ILRUN: variants seen among roughly 807,000 people sequenced by gnomAD.
ILRUN encodes inflammation and lipid regulator with UBA-like and NBR1-like domains.
A neutral mutation model predicts 33.8 loss-of-function variants in ILRUN; 3 were observed. The ratio of observed to expected loss-of-function variants is 0.09; its 90% CI spans 0.04 to 0.23. The LOEUF (loss-of-function observed/expected upper bound fraction) is 0.23. ILRUN is among the 10% of genes least tolerant of loss of function. The pLI is 1.00. For synonymous variants in ILRUN, 124 were observed against 138.9 expected (o/e 0.89, Z 0.75); for missense variants, 210 against 375.1 (o/e 0.56, Z 3.64).
At chr6:34,617,004 A>G (rs1256602252) in intron 3 of ILRUN, 1 of 542,904 alleles carries the variant, frequency 1.8e-6, no homozygotes, top group Non-Finnish European at 3.6e-6. Flanking sequence ...AAAATCAATA[A>G]GAAGTGAGTT....
intron 1 of ILRUN, among the ~76,000 whole-genome samples, chr6:34,670,508 C>T (rs976410251): frequency 3.9e-5 from 6 of 152,048 alleles, no homozygotes; most frequent in African/African-American, 1.2e-4. Flanking sequence ...ACACAATCAC[C>T]ATGTTAGTAT....
At chr6:34,670,694 A>C (rs1010741623) in intron 1 of ILRUN, among the ~76,000 whole-genome samples, 3 of 151,612 alleles carry the variant, frequency 2.0e-5, no homozygotes, top group African/African-American at 7.3e-5. Flanking sequence ...CTACTAAAAA[A>C]AAAATACAAA....
intron 3 of ILRUN, among the ~76,000 whole-genome samples, chr6:34,615,707 T>C (rs1211223072): frequency 6.6e-6 from 1 of 152,052 alleles, no homozygotes; most frequent in Non-Finnish European, 1.5e-5. Flanking sequence ...TAGAACAAGG[T>C]TGTAGCAGGG....
Position 34,633,153 on chromosome 6 carries a change from T to A in ILRUN, c.511+13448A>T, listed in dbSNP as rs190269142. ...AGTGGCTATACTAGTATCAAAGTAG[T>A]CTTCAGAGCAAAGAAAATTATCAGG... is the stretch of plus-strand genomic sequence containing the variant. On this transcript the variant is annotated intron_variant, in intron 3 of 4. Transcript: ENST00000374023. Among the ~76,000 whole-genome samples the A allele has an allele frequency of 2.0e-3, 307 of 152,276 alleles. 1 individual carries two copies. Among genetic ancestry groups the A allele is most frequent in the African/African-American group, 6.9e-3 (288 of 41,558 alleles).
intron 3 of ILRUN, chr6:34,617,251 T>G: frequency 2.6e-6 from 1 of 384,390 alleles, no homozygotes; most frequent in Non-Finnish European, 5.0e-6. Flanking sequence ...AATAGAAGAA[T>G]GAACTAAGGC....
At chr6:34,625,528 G>A (rs1357270433) in intron 3 of ILRUN, among the ~76,000 whole-genome samples, 2 of 152,066 alleles carry the variant, frequency 1.3e-5, no homozygotes, top group Non-Finnish European at 2.9e-5. Flanking sequence ...GATCTGTGAT[G>A]GTTAGCTACT....
chr6:34,641,348 T>C lies in ILRUN; in HGVS notation c.511+5253A>G, dbSNP rs114967337. Among the ~76,000 whole-genome samples, 649 of 152,292 alleles carry C rather than the reference T, an allele frequency of 4.3e-3. 5 individuals carry two copies. Among genetic ancestry groups the C allele is most frequent in the African/African-American group, 0.015 (604 of 41,548 alleles). On this transcript the variant is annotated intron_variant, in intron 3 of 4. Coordinates refer to ENST00000374023, the MANE Select transcript of ILRUN (RefSeq NM_024294.4). ...GTGCTCATGGCTATGGTTGTATACA[T>C]AATCTATTCTCTTTCTGTTACTGAT...
At chr6:34,682,042 T>C (rs1395732421) in intron 1 of ILRUN, among the ~76,000 whole-genome samples, 3 of 87,090 alleles carry the variant, frequency 3.4e-5, no homozygotes, top group Admixed American at 3.1e-4. Context: ...ATTTTTTTAC[T>C]TTTTTTTTTT....
chr6:34,636,959 A>G (rs1762377614), intron 3 of ILRUN, among the ~76,000 whole-genome samples: 1 of 152,208 alleles, frequency 6.6e-6, no homozygotes, highest in Admixed American at 6.5e-5. Context: ...GAGAAAACAT[A>G]CATATCTAAT....
chr6:34,626,896 T>C (rs1188161021), intron 3 of ILRUN, among the ~76,000 whole-genome samples: 3 of 151,640 alleles, frequency 2.0e-5, no homozygotes, highest in Non-Finnish European at 4.4e-5. Context: ...TCCCAGCTAC[T>C]CGGGAGGCTG....
intron 3 of ILRUN, among the ~76,000 whole-genome samples, chr6:34,614,516 T>C (rs1372859498): frequency 3.4e-5 from 5 of 146,850 alleles, no homozygotes; most frequent in African/African-American, 5.0e-5. Context: ...TATATATATA[T>C]ATATTCATGG....
Position 34,646,947 on chromosome 6 carries a change from C to CA in ILRUN, c.314-150dup. The CA allele has an allele frequency of 1.5e-6, 1 of 676,810 alleles. No individual in the cohort carries two copies. Among genetic ancestry groups the CA allele is most frequent in the Non-Finnish European group, 2.5e-6 (1 of 399,472 alleles). The allele number at this position is 676,810 out of a possible 1,614,324, so 41.9% of individuals were successfully genotyped here. A position where few individuals can be genotyped will look rare whatever the true frequency, so the allele number is the denominator to read the frequency against. ...TATACCTAAGCCATATATTGTCTCA[C>CA]ACAACTGATCAAAAGGAATTATCAG... On this transcript the variant is annotated intron_variant, in intron 2 of 4. Coordinates refer to ENST00000374023, the MANE Select transcript of ILRUN (RefSeq NM_024294.4). This position sits in a 1 kb window ranked among gnomAD's most constrained non-coding sequence, Gnocchi z 4.9.
intron 2 of ILRUN, among the ~76,000 whole-genome samples, chr6:34,648,840 A>G (rs1226489444): frequency 6.6e-6 from 1 of 152,204 alleles, no homozygotes; most frequent in Non-Finnish European, 1.5e-5. Flanking sequence ...TGTTTATATG[A>G]AATCCCAAGA....
intron 1 of ILRUN, among the ~76,000 whole-genome samples, chr6:34,686,126 A>G (rs1188991728): frequency 6.6e-6 from 1 of 152,190 alleles, no homozygotes; most frequent in African/African-American, 2.4e-5. Context: ...ATTGTCAAGA[A>G]AGTGAAAAGA....
intron 1 of ILRUN, among the ~76,000 whole-genome samples, chr6:34,679,542 A>G: frequency 6.6e-6 from 1 of 152,250 alleles, no homozygotes; most frequent in East Asian, 1.9e-4. Flanking sequence ...TCTATGTAAT[A>G]GAATACTACA....
intron 1 of ILRUN, among the ~76,000 whole-genome samples, chr6:34,657,650 A>G (rs2127367872): frequency 6.6e-6 from 1 of 152,294 alleles, no homozygotes; most frequent in African/African-American, 2.4e-5. Flanking sequence ...CTTTAGCCCG[A>G]GTGATCTAAC....
chr6:34,696,314 C>A, intron 1 of ILRUN, 132 bp downstream of exon 1: 1 of 972,326 alleles, frequency 1.0e-6, no homozygotes, highest in East Asian at 2.7e-5. Context: ...CCCGACTCGT[C>A]CTCCCCGTCC....
chr6:34,601,669 A>T (rs1210227702), intron 4 of ILRUN, among the ~76,000 whole-genome samples: 7 of 151,970 alleles, frequency 4.6e-5, no homozygotes, highest in Non-Finnish European at 1.0e-4. Flanking sequence ...CCCATAGAAC[A>T]AAAGATCTGC....
chr6:34,617,429 G>A (rs1582048585), intron 3 of ILRUN, among the ~76,000 whole-genome samples: 1 of 152,166 alleles, frequency 6.6e-6, no homozygotes, highest in East Asian at 1.9e-4. Flanking sequence ...GGAACTTCCA[G>A]TTGTCCCGGT....
Sources: allele counts gnomAD v4.1 joint callset (sites outside exome capture counted in the v4.1 genomes callset), GRCh38; gene constraint gnomAD v4.1.1; non-coding constraint Gnocchi (gnomAD v3.1); transcripts MANE v1.5; gene names NCBI Gene and HGNC (gene_info 2026-07-23, HGNC 2026-07-21).